Variants in RNF217 observed in about 807,000 individuals in gnomAD.
RNF217 encodes the protein E3 ubiquitin-protein ligase RNF217.
A neutral mutation model predicts 57.8 loss-of-function variants in RNF217; 31 were observed. The ratio of observed to expected loss-of-function variants is 0.54; its 90% CI spans 0.40 to 0.72. The LOEUF is 0.72. Ranked by LOEUF, RNF217 falls within the 30% of genes least tolerant of loss-of-function variation. The pLI is 0.00. For missense variants in RNF217, 696 were observed against 708.3 expected, an observed-to-expected ratio of 0.98 and a Z score of 0.20; for synonymous variants, 313 against 294.0, an observed-to-expected ratio of 1.06 and a Z score of -0.66.
rs1484426816 is a variant in RNF217 at position 125,083,931 on chromosome 6, A to G, written c.*994A>G. On this transcript the variant is annotated 3_prime_UTR_variant, in exon 6 of 6. Coordinates refer to ENST00000521654, the MANE Select transcript of RNF217 (RefSeq NM_001286398.3). Reference sequence around the variant, plus strand: ...TTCACTCTATAGATAGATCCTTCACATTGGGATTATTTAATCCCAAAAACA... The same window carrying G: ...TTCACTCTATAGATAGATCCTTCACGTTGGGATTATTTAATCCCAAAAACA... The G allele has an allele frequency of 6.6e-6, 1 of 152,074 alleles. No individual in the cohort carries two copies. The highest frequency in any genetic ancestry group is 1.5e-5 in the Non-Finnish European group (1 of 67,992). 9.4% of individuals were successfully genotyped at this position (152,074 alleles called of 1,614,324 possible).
At chr6:125,077,513 C>T (rs1161589303) in intron 4 of RNF217, among the ~76,000 whole-genome samples, 2 of 152,160 alleles carry the variant, frequency 1.3e-5, no homozygotes, top group Non-Finnish European at 2.9e-5. Context: ...TACACAACCC[C>T]TTCCCACACT....
At chr6:125,061,073 G>A (rs1041119412) in intron 3 of RNF217, among the ~76,000 whole-genome samples, 2 of 152,012 alleles carry the variant, frequency 1.3e-5, no homozygotes, top group African/African-American at 4.8e-5. Context: ...GGATACCAAG[G>A]CTTGCTTGGT....
chr6:124,979,202 G>A (rs1022890032), intron 1 of RNF217, among the ~76,000 whole-genome samples: 4 of 152,284 alleles, frequency 2.6e-5, no homozygotes, highest in Admixed American at 1.3e-4. Context: ...TCTGTCTCTT[G>A]TTATTATCAA....
chr6:125,041,932 T>C (rs1786898200), intron 1 of RNF217, among the ~76,000 whole-genome samples: 1 of 152,084 alleles, frequency 6.6e-6, no homozygotes, highest in South Asian at 2.1e-4. Flanking sequence ...CACTGCAAAT[T>C]AAACTATTGT....
intron 1 of RNF217, among the ~76,000 whole-genome samples, chr6:125,035,822 T>G (rs182818022): frequency 6.6e-6 from 1 of 152,022 alleles, no homozygotes; most frequent in Non-Finnish European, 1.5e-5. Flanking sequence ...GAGTTAAAAG[T>G]CAAGACTTAT....
At chr6:124,969,529 A>G (rs894713668) in intron 1 of RNF217, among the ~76,000 whole-genome samples, 1 of 152,218 alleles carries the variant, frequency 6.6e-6, no homozygotes, top group Non-Finnish European at 1.5e-5. Flanking sequence ...CAATTTTGGG[A>G]TAACTGCACT....
chr6:124,984,541 CAAAAA>C (rs750251821), intron 1 of RNF217, among the ~76,000 whole-genome samples: 2 of 74,232 alleles, frequency 2.7e-5, no homozygotes, highest in Non-Finnish European at 5.6e-5. Context: ...GACCCTTTCT[CAAAAA>C]AAAAAAAAAA....
intron 3 of RNF217, among the ~76,000 whole-genome samples, chr6:125,072,464 G>A (rs1224038284): frequency 2.0e-5 from 3 of 152,040 alleles, no homozygotes; most frequent in Non-Finnish European, 2.9e-5. Context: ...TATTTTAGTT[G>A]CCTGCTGCAT....
At chr6:124,968,331 GTA>G (rs1783629225) in intron 1 of RNF217, among the ~76,000 whole-genome samples, 1 of 152,062 alleles carries the variant, frequency 6.6e-6, no homozygotes, top group Non-Finnish European at 1.5e-5. Flanking sequence ...TGTGCAAAAT[GTA>G]TGTGTGTGTG....
At chr6:125,005,978 A>T (rs1469737595) in intron 1 of RNF217, 1 of 152,236 alleles carries the variant, frequency 6.6e-6, no homozygotes, top group Non-Finnish European at 1.5e-5. Context: ...GGTGTTTGTT[A>T]TAAGAACTTG....
chr6:125,043,420 C>CA (rs1786963827), intron 1 of RNF217, among the ~76,000 whole-genome samples: 1 of 151,976 alleles, frequency 6.6e-6, no homozygotes, highest in African/African-American at 2.4e-5. Flanking sequence ...CTATACTTCT[C>CA]CTGAAAACCT....
At chr6:125,019,445 C>T (rs9401794) in intron 1 of RNF217, among the ~76,000 whole-genome samples, 130,769 of 152,134 alleles carry the variant, frequency 0.86, 58,102 homozygotes, top group Non-Finnish European at 0.98. Flanking sequence ...ATTTAGAATA[C>T]TGTGACTATA....
chr6:125,040,165 G>T (rs1241101787), intron 1 of RNF217, among the ~76,000 whole-genome samples: 1 of 151,938 alleles, frequency 6.6e-6, no homozygotes, highest in Non-Finnish European at 1.5e-5. Context: ...CTGTGTTTTT[G>T]AAAAAATTAA....
intron 1 of RNF217, among the ~76,000 whole-genome samples, chr6:125,015,768 A>G (rs1785576975): frequency 6.6e-6 from 1 of 152,154 alleles, no homozygotes; most frequent in Non-Finnish European, 1.5e-5. Context: ...TCTAATTCAC[A>G]CACATATGTA....
At chr6:125,033,744 G>T (rs1486863884) in intron 1 of RNF217, among the ~76,000 whole-genome samples, 1 of 151,966 alleles carries the variant, frequency 6.6e-6, no homozygotes, top group Non-Finnish European at 1.5e-5. Flanking sequence ...GGTATTTCTA[G>T]TTCAAGATCC....
intron 3 of RNF217, among the ~76,000 whole-genome samples, chr6:125,065,928 G>T (rs768926405): frequency 1.3e-5 from 2 of 152,090 alleles, no homozygotes; most frequent in Admixed American, 6.6e-5. Flanking sequence ...CTTCTCCAAC[G>T]CAGTATGTTC....
Position 124,972,133 on chromosome 6 carries a change from T to G in RNF217, c.882+8707T>G, listed in dbSNP as rs1783787456. 2.6e-5 allele frequency among the ~76,000 whole-genome samples: 4 copies of G among 152,226 alleles called. No homozygotes were observed. In the South Asian group the frequency reaches 6.2e-4, roughly 24 times the overall value. On this transcript the variant is annotated intron_variant, in intron 1 of 5. Coordinates refer to ENST00000521654, the MANE Select transcript of RNF217 (RefSeq NM_001286398.3). ...CACATGCTCAAAGCCTTGCTTCTTT[T>G]TTGAGATTCCCTGTTTCCATTCATT...
intron 5 of RNF217, 42 bp downstream of exon 5, chr6:125,081,549 G>A (rs371284324): frequency 6.4e-5 from 95 of 1,473,304 alleles, no homozygotes; most frequent in Non-Finnish European, 8.4e-5. Flanking sequence ...ATTATCTGAG[G>A]GCCATAGAGA....
intron 1 of RNF217, among the ~76,000 whole-genome samples, chr6:125,017,586 G>A (rs141218634): frequency 6.6e-6 from 1 of 152,280 alleles, no homozygotes; most frequent in East Asian, 1.9e-4. Context: ...TATGAGAAGT[G>A]TTCACATTTC....
Sources: allele counts gnomAD v4.1 joint callset (sites outside exome capture counted in the v4.1 genomes callset), GRCh38; gene constraint gnomAD v4.1.1; transcripts MANE v1.5; gene names NCBI Gene and HGNC (gene_info 2026-07-23, HGNC 2026-07-21).